Variants in EYA4 observed in about 807,000 individuals in gnomAD.
The protein encoded by EYA4 is EYA transcriptional coactivator and phosphatase 4, also known as protein phosphatase EYA4.
EYA4 carries 31 observed loss-of-function variants against 87.9 expected under a neutral mutation model. The observed-to-expected ratio is 0.35, with a 90% CI of 0.27 to 0.48. EYA4 has a LOEUF of 0.48. Among genes scored for constraint, EYA4 ranks in the 20% least tolerant of loss-of-function variants. The pLI is 0.99. For synonymous variants in EYA4, 263 were observed against 270.6 expected (o/e 0.97, Z 0.28); for missense variants, 678 against 761.4 (o/e 0.89, Z 1.29).
intron 11 of EYA4, 143 bp from the exon 12 acceptor site, chr6:133,481,320 G>A (rs762006713): frequency 5.2e-6 from 4 of 770,436 alleles, no homozygotes; most frequent in South Asian, 3.0e-5. Context: ...TGACTGACTT[G>A]TGTGTGCTTG....
chr6:133,245,589 T>C (rs1420320178), intron 1 of EYA4, among the ~76,000 whole-genome samples: 1 of 152,210 alleles, frequency 6.6e-6, no homozygotes, highest in East Asian at 1.9e-4. Context: ...TCATGAATTT[T>C]TCCTGCTAAA....
intron 11 of EYA4, among the ~76,000 whole-genome samples, chr6:133,474,355 A>G (rs1435983506): frequency 1.3e-5 from 2 of 152,074 alleles, no homozygotes; most frequent in East Asian, 1.9e-4. Context: ...AATAATCAGT[A>G]TTGAAAATAG....
chr6:133,320,894 T>C (rs1311339974), intron 2 of EYA4, among the ~76,000 whole-genome samples: 1 of 152,340 alleles, frequency 6.6e-6, no homozygotes, highest in African/African-American at 2.4e-5. Flanking sequence ...AACTCATTTT[T>C]CTACATACTG....
chr6:133,407,948 G>A (rs1788868864), intron 3 of EYA4, among the ~76,000 whole-genome samples: 1 of 152,118 alleles, frequency 6.6e-6, no homozygotes, highest in Non-Finnish European at 1.5e-5. Context: ...AGGATTTAAA[G>A]TATGGGGGGA....
chr6:133,260,749 G>T (rs926412608), intron 1 of EYA4, among the ~76,000 whole-genome samples: 1 of 152,064 alleles, frequency 6.6e-6, no homozygotes, highest in African/African-American at 2.4e-5. Flanking sequence ...TCTCACTCAA[G>T]AAATTATTTT....
At chr6:133,352,556 GA>G (rs1165317351) in intron 2 of EYA4, among the ~76,000 whole-genome samples, 6 of 151,838 alleles carry the variant, frequency 4.0e-5, no homozygotes, top group African/African-American at 1.2e-4. Flanking sequence ...AAGAAATCTA[GA>G]AAAAAATTAA....
At position 133,530,290 on chromosome 6, in the gene EYA4, G is replaced by A. The variant is rs545500595; in HGVS notation, c.*1485G>A. ...TCTGCCTGTATTGTCACTGCGCAAC[G>A]GATGGCATTCATTACAAGAAGAGCC... is the stretch of plus-strand genomic sequence containing the variant. On this transcript the variant is annotated 3_prime_UTR_variant, in exon 20 of 20. Transcript: ENST00000355286. 120 of 985,398 alleles carry A rather than the reference G, an allele frequency of 1.2e-4. 1 individual carries two copies. In the African/African-American group the frequency reaches 1.5e-3, roughly 12 times the overall value. The allele number at this position is 985,398 out of a possible 1,614,324, so 61.0% of individuals were successfully genotyped here.
chr6:133,331,027 G>GGTT (rs752905039), intron 2 of EYA4, among the ~76,000 whole-genome samples: 157 of 113,676 alleles, frequency 1.4e-3, no homozygotes, highest in African/African-American at 5.3e-3. Flanking sequence ...AACCAAACGG[G>GGTT]TTTTTTTTTT....
chr6:133,424,673 C>T (rs1471417957), intron 3 of EYA4, among the ~76,000 whole-genome samples: 1 of 142,290 alleles, frequency 7.0e-6, no homozygotes, highest in African/African-American at 3.0e-5. Context: ...GTCCCCAGCT[C>T]CTGCCTTCTC....
At chr6:133,347,020 A>G (rs1368853898) in intron 2 of EYA4, among the ~76,000 whole-genome samples, 1 of 152,242 alleles carries the variant, frequency 6.6e-6, no homozygotes, top group Non-Finnish European at 1.5e-5. Context: ...GAGAGAGTTT[A>G]TCAGATAATT....
intron 13 of EYA4, among the ~76,000 whole-genome samples, chr6:133,501,626 C>T (rs900224883): frequency 6.6e-6 from 1 of 152,086 alleles, no homozygotes; most frequent in African/African-American, 2.4e-5. Context: ...GTTCATGGAG[C>T]TGGTCTGCCT....
At chr6:133,451,935 G>C (rs1485596410) in intron 5 of EYA4, among the ~76,000 whole-genome samples, 2 of 151,906 alleles carry the variant, frequency 1.3e-5, no homozygotes, top group Non-Finnish European at 2.9e-5. Flanking sequence ...ACCTACTGCT[G>C]TGGGTCAGCT....
chr6:133,413,973 C>T (rs74748914), intron 3 of EYA4, among the ~76,000 whole-genome samples: 8,325 of 152,222 alleles, frequency 0.055, 678 homozygotes, highest in African/African-American at 0.17. Context: ...TAATCAATCA[C>T]AATTCCCTAG....
At chr6:133,400,677 A>G (rs926682920) in intron 3 of EYA4, among the ~76,000 whole-genome samples, 1 of 151,734 alleles carries the variant, frequency 6.6e-6, no homozygotes, top group Non-Finnish European at 1.5e-5. Flanking sequence ...ATAGTAATAA[A>G]GTATAAAAAT....
At chr6:133,275,801 A>G (rs958982730) in intron 2 of EYA4, among the ~76,000 whole-genome samples, 2 of 152,186 alleles carry the variant, frequency 1.3e-5, no homozygotes, top group Non-Finnish European at 1.5e-5. Context: ...TTGGATAGAC[A>G]TGACCATAGT....
intron 2 of EYA4, among the ~76,000 whole-genome samples, chr6:133,378,990 A>AT (rs1444426534): frequency 6.8e-6 from 1 of 148,046 alleles, no homozygotes; most frequent in Non-Finnish European, 1.5e-5. Flanking sequence ...TTCAACATTT[A>AT]TTTTTTTATT....
intron 13 of EYA4, among the ~76,000 whole-genome samples, chr6:133,487,529 G>T (rs1796783938): frequency 6.6e-6 from 1 of 152,166 alleles, no homozygotes; most frequent in African/African-American, 2.4e-5. Context: ...TTGCAACTTG[G>T]ATACTAACTC....
intron 2 of EYA4, among the ~76,000 whole-genome samples, chr6:133,292,033 G>A (rs1778530460): frequency 1.3e-5 from 2 of 151,958 alleles, no homozygotes; most frequent in Admixed American, 1.3e-4. Flanking sequence ...GCAATAATTT[G>A]TGACTGAAAA....
chr6:133,474,305 T>A (rs212777), intron 11 of EYA4, among the ~76,000 whole-genome samples: 48,858 of 151,916 alleles, frequency 0.32, 9,585 homozygotes, highest in Non-Finnish European at 0.43. Context: ...CGAGAAAGCT[T>A]CTCTGCAGGA....
Sources: allele counts gnomAD v4.1 joint callset (sites outside exome capture counted in the v4.1 genomes callset), GRCh38; gene constraint gnomAD v4.1.1; transcripts MANE v1.5; gene names NCBI Gene and HGNC (gene_info 2026-07-23, HGNC 2026-07-21).